Variants in GOLIM4 observed in about 807,000 individuals in gnomAD.
GOLIM4 encodes 130 kDa golgi-localized phosphoprotein.
GOLIM4 carries 71 observed loss-of-function variants against 107.4 expected under a neutral mutation model. The observed-to-expected ratio is 0.66, with a 90% CI of 0.55 to 0.81. The LOEUF is 0.81. Ranked by LOEUF, GOLIM4 falls within the 30% of genes least tolerant of loss-of-function variation. The probability of loss-of-function intolerance (pLI) is 0.00; values close to 1 mark genes in which losing one functional copy is unlikely to be tolerated. For synonymous variants in GOLIM4, 327 were observed against 294.8 expected (o/e 1.11, Z -1.12); for missense variants, 830 against 826.1 (o/e 1.00, Z -0.06).
intron 14 of GOLIM4, among the ~76,000 whole-genome samples, chr3:168,011,844 GA>G (rs1717055200): frequency 7.7e-6 from 1 of 130,174 alleles, no homozygotes; most frequent in Admixed American, 7.1e-5. Context: ...CTGTCTGTTA[GA>G]AGGAAAACTA....
chr3:168,060,928 T>C (rs1466872768), intron 1 of GOLIM4, among the ~76,000 whole-genome samples: 3 of 146,912 alleles, frequency 2.0e-5, no homozygotes, highest in Non-Finnish European at 4.6e-5. Context: ...TCTGCATGAT[T>C]GTAAAATTAA....
intron 1 of GOLIM4, among the ~76,000 whole-genome samples, chr3:168,054,519 C>G (rs140410150): frequency 1.1e-3 from 165 of 152,310 alleles, no homozygotes; most frequent in Admixed American, 9.7e-3. Flanking sequence ...TCTAAAATTG[C>G]AACTAGCTTT....
At chr3:168,034,759 C>T (rs1001681721) in intron 8 of GOLIM4, among the ~76,000 whole-genome samples, 8 of 152,236 alleles carry the variant, frequency 5.3e-5, no homozygotes, top group South Asian at 4.2e-4. Context: ...AAGTCTTTCC[C>T]GTGCTGCTCT....
chr3:168,070,216 A>C (rs1005975777), intron 1 of GOLIM4, among the ~76,000 whole-genome samples: 22 of 152,182 alleles, frequency 1.4e-4, no homozygotes, highest in African/African-American at 5.3e-4. Flanking sequence ...ACATGGTGAA[A>C]CCCCATTTCT....
In GOLIM4 at chr3:168,032,930, A is replaced by G. The variant is rs556800494; in HGVS notation, c.844-78T>C. ...ATGTAATTTCTTGATTTCCATGTCT[A>G]TGGGGCATGGGGCTACAACAGAAGA... On this transcript the variant is annotated intron_variant, in intron 8 of 15. Coordinates refer to ENST00000470487, the MANE Select transcript of GOLIM4 (RefSeq NM_014498.5). 1.1e-4 allele frequency: 110 copies of G among 1,019,738 alleles called. No individual in the cohort carries two copies. The South Asian group carries it at 1.5e-3, about 14-fold the overall frequency. The allele number at this position is 1,019,738 out of a possible 1,614,324, so 63.2% of individuals were successfully genotyped here.
intron 14 of GOLIM4, among the ~76,000 whole-genome samples, chr3:168,021,573 G>A (rs1178082989): frequency 6.6e-6 from 1 of 152,108 alleles, no homozygotes; most frequent in Non-Finnish European, 1.5e-5. Flanking sequence ...GGCTGAGGCA[G>A]GAGAATTGCT....
intron 1 of GOLIM4, among the ~76,000 whole-genome samples, chr3:168,066,941 G>C (rs1720580555): frequency 6.6e-6 from 1 of 152,058 alleles, no homozygotes; most frequent in South Asian, 2.1e-4. Context: ...GGTAGTTCTT[G>C]TGAGTGTGAT....
chr3:168,087,317 A>T (rs1721678516), intron 1 of GOLIM4, among the ~76,000 whole-genome samples: 1 of 152,194 alleles, frequency 6.6e-6, no homozygotes, highest in African/African-American at 2.4e-5. Flanking sequence ...AATTCTAGCT[A>T]TCAAGTTGTT....
chr3:168,069,010 T>C (rs1412481697), intron 1 of GOLIM4, among the ~76,000 whole-genome samples: 1 of 151,936 alleles, frequency 6.6e-6, no homozygotes, highest in African/African-American at 2.4e-5. Flanking sequence ...CTAATTTTTG[T>C]ATTATTAGTA....
chr3:168,009,160 A>C lies in GOLIM4; in HGVS notation c.*1109T>G, dbSNP rs1425243368. 4 of 151,998 alleles carry C rather than the reference A, an allele frequency of 2.6e-5. No individual in the cohort carries two copies. The highest frequency in any genetic ancestry group is 9.7e-5 in the African/African-American group (4 of 41,416). The allele number at this position is 151,998 out of a possible 1,614,324, so 9.4% of individuals were successfully genotyped here. On this transcript the variant is annotated 3_prime_UTR_variant, in exon 16 of 16. Transcript: ENST00000470487. ...ATTTTTAATTTTCTTATTTTAAGGA[A>C]TCTATTATATTCACAATGATTAAAA...
chr3:168,041,160 G>A (rs1168949652), intron 6 of GOLIM4: 3 of 518,268 alleles, frequency 5.8e-6, no homozygotes, highest in East Asian at 3.0e-5. Flanking sequence ...TTATTAATAT[G>A]TAACTAGCAT....
chr3:168,081,760 A>C (rs573404360), intron 1 of GOLIM4, among the ~76,000 whole-genome samples: 17 of 152,346 alleles, frequency 1.1e-4, no homozygotes, highest in African/African-American at 3.4e-4. Context: ...TATCATGAAT[A>C]CAAGGCAATT....
chr3:168,037,050 G>A, intron 7 of GOLIM4, 56 bp from the exon 8 acceptor site: 1 of 1,209,302 alleles, frequency 8.3e-7, no homozygotes, highest in Non-Finnish European at 1.2e-6. Context: ...ATTCATAGAT[G>A]GGCATTTGGG....
At chr3:168,081,639 C>A (rs1409126263) in intron 1 of GOLIM4, among the ~76,000 whole-genome samples, 3 of 152,134 alleles carry the variant, frequency 2.0e-5, no homozygotes, top group African/African-American at 7.2e-5. Context: ...GTGTCACTGT[C>A]TTGCTGTGTG....
intron 14 of GOLIM4, among the ~76,000 whole-genome samples, chr3:168,012,179 C>T (rs1194349586): frequency 2.3e-5 from 3 of 128,856 alleles, no homozygotes; most frequent in South Asian, 2.2e-4. Flanking sequence ...ATAACCAATA[C>T]AGAGAAGTGC....
rs539668297 is a variant in GOLIM4, at chr3:168,094,244, T to C, written c.187+855A>G. ...TAAAGTAAATTATGTTTGTGAAAAT[T>C]ACATTAAATTAGATTCTAAAATAGG... On this transcript the variant is annotated intron_variant, in intron 1 of 15. Transcript: ENST00000470487. Among the ~76,000 whole-genome samples the C allele has an allele frequency of 1.3e-4, 20 of 152,340 alleles. No homozygotes were observed. The South Asian group carries it at 3.9e-3, about 30-fold the overall frequency.
At chr3:168,028,390 A>G (rs1183323324) in intron 11 of GOLIM4, among the ~76,000 whole-genome samples, 1 of 152,226 alleles carries the variant, frequency 6.6e-6, no homozygotes, top group Non-Finnish European at 1.5e-5. Flanking sequence ...CTTTTTGAAA[A>G]AATATTTAGA....
intron 1 of GOLIM4, among the ~76,000 whole-genome samples, chr3:168,066,039 T>C (rs1720524771): frequency 6.6e-6 from 1 of 152,124 alleles, no homozygotes; most frequent in African/African-American, 2.4e-5. Flanking sequence ...TAGAACATAA[T>C]AGTGATGTTC....
At chr3:168,017,157 C>T (rs1278068548) in intron 14 of GOLIM4, among the ~76,000 whole-genome samples, 2 of 152,060 alleles carry the variant, frequency 1.3e-5, no homozygotes, top group African/African-American at 4.8e-5. Flanking sequence ...GGTTAAAATT[C>T]CAAATATAAA....
Sources: allele counts gnomAD v4.1 joint callset (sites outside exome capture counted in the v4.1 genomes callset), GRCh38; gene constraint gnomAD v4.1.1; transcripts MANE v1.5; gene names NCBI Gene and HGNC (gene_info 2026-07-23, HGNC 2026-07-21).